KANK3: variants seen among roughly 807,000 people sequenced by gnomAD.
KANK3 encodes KN motif and ankyrin repeat domain-containing protein 3.
KANK3 carries 61 observed loss-of-function variants against 65.4 expected under a neutral mutation model. The observed-to-expected ratio is 0.93, with a 90% confidence interval of 0.76 to 1.15. KANK3 has a LOEUF of 1.15. Ranked by LOEUF, KANK3 falls within the 50% of genes most tolerant of loss-of-function variation. The pLI is 0.00. For missense variants in KANK3, 1,187 were observed against 1,178.8 expected, an observed-to-expected ratio of 1.01 and a Z score of -0.10; for synonymous variants, 586 against 543.3, an observed-to-expected ratio of 1.08 and a Z score of -1.09.
At chr19:8,339,030 G>A (rs1026130705) in intron 1 of KANK3, among the ~76,000 whole-genome samples, 2 of 152,092 alleles carry the variant, frequency 1.3e-5, no homozygotes, top group Admixed American at 6.6e-5. Flanking sequence ...TCCCTGGAAT[G>A]TCGCTAGCGG....
At chr19:8,326,512 G>T (rs1970430874) in intron 7 of KANK3, among the ~76,000 whole-genome samples, 1 of 145,966 alleles carries the variant, frequency 6.9e-6, no homozygotes, top group African/African-American at 2.5e-5. Context: ...AAAAAGCCAG[G>T]TGCAGTGGCT....
intron 1 of KANK3, among the ~76,000 whole-genome samples, chr19:8,342,118 T>C (rs1970729253): frequency 6.6e-6 from 1 of 152,156 alleles, no homozygotes. Context: ...CTCAGCATCC[T>C]GAGTAGCTGG....
At chr19:8,323,365 C>G (rs551664826) in intron 10 of KANK3, 2 of 155,270 alleles carry the variant, frequency 1.3e-5, no homozygotes, top group South Asian at 2.0e-4. Flanking sequence ...GTGGTTTTTA[C>G]TAAGCACACA....
At chr19:8,324,904 G>A in intron 8 of KANK3, 47 bp downstream of exon 8, 1 of 1,604,778 alleles carries the variant, frequency 6.2e-7, no homozygotes, top group South Asian at 1.1e-5. Context: ...GACTCCCAAA[G>A]TGGAAGTGAC....
intron 10 of KANK3, 96 bp downstream of exon 10, chr19:8,324,353 T>G: frequency 9.6e-6 from 11 of 1,140,916 alleles, no homozygotes; most frequent in Admixed American, 2.2e-5. Context: ...GGTGCCACCT[T>G]TGGGGAGCAG....
Position 8,334,896 on chromosome 19 carries a change from T to C in KANK3, c.931A>G (p.Thr311Ala). ...REVAAEAVPETREAGAQAVPE... is the reference protein window; with the variant it reads ...REVAAEAVPEAREAGAQAVPE... ...ACGGCCTGGGCACCCGCTTCTCGGGTCTCGGGCACGGCCTCGGCGGCCACC... is the reference window on the plus strand; with the variant it reads ...ACGGCCTGGGCACCCGCTTCTCGGGCCTCGGGCACGGCCTCGGCGGCCACC... The change falls in exon 3 of 11, where the codon ACC (threonine) becomes GCC (alanine). Residue 311 changes from threonine (T) to alanine (A), a missense_variant. By Grantham distance (58) the Thr-to-Ala change is moderately conservative. Coordinates refer to ENST00000330915, the MANE Select transcript of KANK3 (RefSeq NM_198471.3). 2 of 1,457,820 alleles carry C rather than the reference T, an allele frequency of 1.4e-6. No individual in the cohort carries two copies. The highest frequency in any genetic ancestry group is 3.0e-5 in the African/African-American group (2 of 67,290). The allele number at this position is 1,457,820 out of a possible 1,614,324, so 90.3% of individuals were successfully genotyped here.
chr19:8,337,761 A>G (rs2913958), intron 2 of KANK3, 34 bp downstream of exon 2: 3 of 1,565,670 alleles, frequency 1.9e-6, no homozygotes, highest in East Asian at 2.3e-5. Flanking sequence ...GTGCATGCGC[A>G]CACACACACA....
intron 7 of KANK3, among the ~76,000 whole-genome samples, chr19:8,329,523 A>AAAAAAAAAAAG (rs1427394985): frequency 6.7e-6 from 1 of 149,470 alleles, no homozygotes; most frequent in African/African-American, 2.5e-5. Context: ...AAAAAAGACT[A>AAAAAAAAAAAG]ACTATAGAAT....
rs1460885032 is a variant in KANK3, at chr19:8,333,331, G to A, written c.1720-101C>T. 4.1e-6 allele frequency: 4 copies of A among 976,880 alleles called. No individual in the cohort carries two copies. Among genetic ancestry groups the A allele is most frequent in the South Asian group, 1.6e-5 (1 of 61,246 alleles). 60.5% of individuals were successfully genotyped at this position (976,880 alleles called of 1,614,324 possible). A position where few individuals can be genotyped will look rare whatever the true frequency, so the allele number is the denominator to read the frequency against. On this transcript the variant is annotated intron_variant, in intron 6 of 10. Transcript: ENST00000330915. This position sits in a 1 kb window ranked among gnomAD's most constrained non-coding sequence, Gnocchi z 5.0. ...GGGACTGGGAAGAGACCCATTTGGC[G>A]TTTCCAGGCAAGTAAGGAAGGTCAC...
At chr19:8,337,959 C>A (rs914214344) in intron 1 of KANK3, 103 bp from the exon 2 acceptor site, 60 of 1,525,024 alleles carry the variant, frequency 3.9e-5, no homozygotes, top group Non-Finnish European at 4.9e-5. Flanking sequence ...CTCTCCTCCA[C>A]CCAGCCACCT....
chr19:8,326,495 A>G (rs1970430341), intron 7 of KANK3, among the ~76,000 whole-genome samples: 1 of 147,814 alleles, frequency 6.8e-6, no homozygotes, highest in Admixed American at 6.8e-5. Context: ...AAAAAAAAAA[A>G]AAAAAAAAAA....
In KANK3 at chr19:8,332,999, T is replaced by A; in HGVS notation, c.1936+15A>T. 1.6e-5 allele frequency: 5 copies of A among 303,124 alleles called. No individual in the cohort carries two copies. Among genetic ancestry groups the A allele is most frequent in the African/African-American group, 6.2e-5 (1 of 16,224 alleles). 18.8% of individuals were successfully genotyped at this position (303,124 alleles called of 1,614,324 possible). On this transcript the variant is annotated intron_variant, in intron 7 of 10. Transcript: ENST00000330915. ...CCATTTCCTGGTGTCCCACCCACCC[T>A]CCCTTGGCTCTGACCCGTATCCAGG...
rs768261719 is a variant in KANK3, at chr19:8,332,994, C to T, written c.1936+20G>A. 4 of 585,742 alleles carry T rather than the reference C, an allele frequency of 6.8e-6. No homozygotes were observed. Among genetic ancestry groups the T allele is most frequent in the Non-Finnish European group, 1.2e-5 (4 of 334,060 alleles). The allele number at this position is 585,742 out of a possible 1,614,324, so 36.3% of individuals were successfully genotyped here. On this transcript the variant is annotated intron_variant, in intron 7 of 10. Coordinates refer to ENST00000330915, the MANE Select transcript of KANK3 (RefSeq NM_198471.3). ...CCCACCCATTTCCTGGTGTCCCACC[C>T]ACCCTCCCTTGGCTCTGACCCGTAT... is the stretch of plus-strand genomic sequence containing the variant.
chr19:8,332,987 T>TTGGGGGGGG, intron 7 of KANK3, 27 bp downstream of exon 7: 1 of 395,196 alleles, frequency 2.5e-6, no homozygotes, highest in Non-Finnish European at 4.8e-6. Flanking sequence ...TTTCCTGGTG[T>TTGGGGGGGG]CCCACCCACC....
chr19:8,338,147 A>AC (rs1157068629), intron 1 of KANK3, among the ~76,000 whole-genome samples: 1 of 147,546 alleles, frequency 6.8e-6, no homozygotes, highest in Non-Finnish European at 1.5e-5. Flanking sequence ...TCAGCCTCCC[A>AC]AGTGGCTGGG....
rs537862454 is a variant in KANK3 at position 8,324,941 on chromosome 19, G to A, written c.2082+10C>T. ...CCTGGCTGAGAGCCACAGTGGGGGC[G>A]CCCACGCACCTGACTGGCCTTGGCA... On this transcript the variant is annotated intron_variant, in intron 8 of 10. Transcript: ENST00000330915. 1.8e-5 allele frequency: 29 copies of A among 1,611,888 alleles called. No individual in the cohort carries two copies. Among genetic ancestry groups the A allele is most frequent in the Admixed American group, 6.7e-5 (4 of 59,854 alleles).
Position 8,335,172 on chromosome 19 carries a change from C to T in KANK3, c.655G>A (p.Ala219Thr), listed in dbSNP as rs1970611657. 19 of 1,213,220 alleles carry T rather than the reference C, an allele frequency of 1.6e-5. No individual in the cohort carries two copies. Among genetic ancestry groups the T allele is most frequent in the Non-Finnish European group, 1.7e-5 (17 of 977,092 alleles). 75.2% of individuals were successfully genotyped at this position (1,213,220 alleles called of 1,614,324 possible). Reference sequence around the variant, plus strand: ...CCGGCCAGCAGCCGCGCCTTCTCGGCGCGCAGCGCGCGCACCTGCTCCTGC... The same window carrying T: ...CCGGCCAGCAGCCGCGCCTTCTCGGTGCGCAGCGCGCGCACCTGCTCCTGC... ...ELQEQVRALR[A>T]EKARLLAGRA... The change falls in exon 3 of 11, where the codon GCC (alanine) becomes ACC (threonine). Residue 219 changes from alanine to threonine, a missense_variant. This residue lies in a region of KANK3 where 1,078 missense variants were observed against 1,038.2 expected (regional missense o/e 1.04). Transcript: ENST00000330915.
Position 8,333,114 on chromosome 19 carries a change from C to G in KANK3, c.1836G>C (p.Leu612=), listed in dbSNP as rs764480838. ...CATCCGCCAGGTTCACCACGTGCGC[C>G]AGCAGTTCGGGTCCCAGGCGCCTCA... ...EGVRRLGPEL[L]AHVVNLADGN... The change falls in exon 7 of 11, where the codon CTG becomes CTC. Residue 612 remains leucine (L), a synonymous_variant. Transcript: ENST00000330915. This position sits in a 1 kb window ranked among gnomAD's most constrained non-coding sequence, Gnocchi z 5.0. 6 of 1,613,166 alleles carry G rather than the reference C, an allele frequency of 3.7e-6. No individual in the cohort carries two copies. Among genetic ancestry groups the G allele is most frequent in the Middle Eastern group, 1.7e-4 (1 of 6,056 alleles).
Position 8,324,801 on chromosome 19 carries a change from G to GTCC in KANK3, c.2111_2112insGGA (p.Ile704delinsMetAsp). ...CCACCATGTCCTGTCGGCCATGGCTGATGGCCAGCATGAGGGCTGTCTGCC... is the reference window on the plus strand; with the variant it reads ...CCACCATGTCCTGTCGGCCATGGCTGTCCATGGCCAGCATGAGGGCTGTCTGCC... On this transcript the variant is annotated protein_altering_variant, in exon 9 of 11. Coordinates refer to ENST00000330915, the MANE Select transcript of KANK3 (RefSeq NM_198471.3). The GTCC allele has an allele frequency of 6.2e-7, 1 of 1,613,380 alleles. No individual in the cohort carries two copies. Among genetic ancestry groups the GTCC allele is most frequent in the African/African-American group, 1.3e-5 (1 of 75,058 alleles).
Sources: allele counts gnomAD v4.1 joint callset (sites outside exome capture counted in the v4.1 genomes callset), GRCh38; gene constraint gnomAD v4.1.1; regional missense constraint gnomAD v4.1.1; non-coding constraint Gnocchi (gnomAD v3.1); transcripts MANE v1.5; gene names NCBI Gene and HGNC (gene_info 2026-07-23, HGNC 2026-07-21).